Variants in SEMA3D observed in about 807,000 individuals in gnomAD.
SEMA3D encodes the protein semaphorin-3D.
A neutral mutation model predicts 100.1 loss-of-function variants in SEMA3D; 84 were observed. That is an observed-to-expected ratio of 0.84 (90% CI 0.70 to 1.01). The LOEUF (loss-of-function observed/expected upper bound fraction) is 1.01, where lower values mean the gene tolerates loss of function less well. Among genes scored for constraint, SEMA3D ranks in the 50% least tolerant of loss-of-function variants. SEMA3D has a pLI of 0.00. For missense variants in SEMA3D, 875 were observed against 934.1 expected (o/e 0.94, Z 0.82); for synonymous variants, 312 against 320.7 (o/e 0.97, Z 0.29).
chr7:85,236,536 G>C, the SEMA3D span, among the ~76,000 whole-genome samples: 2 of 151,440 alleles, frequency 1.3e-5, no homozygotes. Flanking sequence ...TTGATCTCTT[G>C]ATTTCATGAT....
chr7:85,119,809 C>A (rs1049574731), intron 3 of SEMA3D, among the ~76,000 whole-genome samples: 1 of 152,062 alleles, frequency 6.6e-6, no homozygotes, highest in African/African-American at 2.4e-5. Flanking sequence ...CTGAGTGCCC[C>A]AGGTTTGGTA....
At chr7:85,107,860 A>G (rs1234718722) in intron 3 of SEMA3D, among the ~76,000 whole-genome samples, 1 of 151,966 alleles carries the variant, frequency 6.6e-6, no homozygotes, top group Non-Finnish European at 1.5e-5. Context: ...ACTGCCCGCC[A>G]TATTACTACT....
intron 15 of SEMA3D, among the ~76,000 whole-genome samples, chr7:85,015,906 G>A (rs1290370930): frequency 1.3e-5 from 2 of 151,622 alleles, no homozygotes; most frequent in Non-Finnish European, 2.9e-5. Context: ...TGGAGGGGGA[G>A]GGGTGATACA....
chr7:85,052,570 C>T (rs900064775), intron 9 of SEMA3D, among the ~76,000 whole-genome samples: 6 of 151,956 alleles, frequency 3.9e-5, no homozygotes, highest in African/African-American at 1.4e-4. Context: ...TAGCGTAGTC[C>T]CACTTCCTCA....
the SEMA3D span, among the ~76,000 whole-genome samples, chr7:85,243,358 G>A: frequency 6.6e-6 from 1 of 152,134 alleles, no homozygotes; most frequent in Admixed American, 6.5e-5. Flanking sequence ...CTCCCCATGA[G>A]TGGAGTTTTT....
chr7:85,145,952 C>T (rs1159493997), intron 2 of SEMA3D, among the ~76,000 whole-genome samples: 1 of 152,130 alleles, frequency 6.6e-6, no homozygotes. Flanking sequence ...TAATTTCATT[C>T]CCTTGGATTC....
intron 3 of SEMA3D, among the ~76,000 whole-genome samples, chr7:85,108,765 T>C (rs192503274): frequency 8.4e-4 from 128 of 152,168 alleles, no homozygotes; most frequent in Non-Finnish European, 1.4e-3. Flanking sequence ...ACAGTATTTT[T>C]TTCTGTTACA....
chr7:85,050,668 T>C, intron 9 of SEMA3D: 3 of 450,258 alleles, frequency 6.7e-6, no homozygotes, highest in Non-Finnish European at 1.2e-5. Context: ...GTTCAAATCA[T>C]TTATGCAACT....
chr7:85,109,347 A>G (rs1789023561), intron 3 of SEMA3D, among the ~76,000 whole-genome samples: 1 of 152,006 alleles, frequency 6.6e-6, no homozygotes, highest in Admixed American at 6.6e-5. Context: ...TATATTTTAT[A>G]TTTTAATGTT....
intron 18 of SEMA3D, among the ~76,000 whole-genome samples, 170 bp from the exon 19 acceptor site, chr7:85,000,035 A>C (rs188767188): frequency 6.6e-6 from 1 of 152,288 alleles, no homozygotes; most frequent in East Asian, 1.9e-4. Context: ...GAGTAAAAAA[A>C]TTCAACAAAA....
chr7:85,161,819 A>G (rs990890793), intron 1 of SEMA3D, among the ~76,000 whole-genome samples: 2 of 152,158 alleles, frequency 1.3e-5, no homozygotes, highest in African/African-American at 4.8e-5. Flanking sequence ...TATGTCATCC[A>G]CTATCTTACA....
intron 1 of SEMA3D, among the ~76,000 whole-genome samples, chr7:85,161,429 A>G (rs553638732): frequency 2.0e-5 from 3 of 152,290 alleles, no homozygotes; most frequent in Non-Finnish European, 2.9e-5. Flanking sequence ...AATATTTTAT[A>G]ATGTTTTAAT....
rs1015289101 is a variant in SEMA3D, at chr7:85,022,104, C to A, written c.1414+287G>T. 2.0e-5 allele frequency among the ~76,000 whole-genome samples: 3 copies of A among 151,752 alleles called. No homozygotes were observed. In the South Asian group the frequency reaches 6.2e-4, roughly 31 times the overall value. On this transcript the variant is annotated intron_variant, in intron 13 of 18. Transcript: ENST00000284136. ...AAGTTTGAAAATAAACATTACTTTG[C>A]CCTACTTGTTTAATTGTAGTTCAAA...
At chr7:85,015,274 T>C in intron 15 of SEMA3D, 58 bp from the exon 16 acceptor site, 1 of 1,532,522 alleles carries the variant, frequency 6.5e-7, no homozygotes, top group Non-Finnish European at 9.0e-7. Context: ...TCTTAAGAAT[T>C]TCCTTTTCTT....
At chr7:85,078,655 G>A (rs1787958277) in intron 5 of SEMA3D, among the ~76,000 whole-genome samples, 1 of 152,090 alleles carries the variant, frequency 6.6e-6, no homozygotes, top group Non-Finnish European at 1.5e-5. Flanking sequence ...TTAAACTGGG[G>A]ACTATGTTCA....
At chr7:85,087,897 A>G (rs1788273111) in intron 4 of SEMA3D, among the ~76,000 whole-genome samples, 1 of 152,168 alleles carries the variant, frequency 6.6e-6, no homozygotes, top group Non-Finnish European at 1.5e-5. Context: ...AAGAGACCAT[A>G]TTATTGAAAT....
chr7:85,129,672 T>C (rs928326929), intron 2 of SEMA3D, among the ~76,000 whole-genome samples: 3 of 152,266 alleles, frequency 2.0e-5, no homozygotes, highest in African/African-American at 4.8e-5. Flanking sequence ...AATTTTAAGG[T>C]TGTAACTACT....
intron 9 of SEMA3D, among the ~76,000 whole-genome samples, chr7:85,054,361 G>T (rs1309981450): frequency 6.6e-6 from 1 of 151,946 alleles, no homozygotes; most frequent in Non-Finnish European, 1.5e-5. Context: ...GCTTTTCAGG[G>T]TCAGGATACT....
chr7:85,087,016 C>G (rs528672010), intron 4 of SEMA3D, among the ~76,000 whole-genome samples: 5 of 152,254 alleles, frequency 3.3e-5, no homozygotes, highest in Admixed American at 1.3e-4. Flanking sequence ...ATTCTTACTG[C>G]CTTTTGAATT....
Sources: gnomAD v4.1 joint callset for allele counts (sites outside exome capture counted in the v4.1 genomes callset) on GRCh38, gnomAD v4.1.1 for gene constraint, MANE v1.5 for transcripts, NCBI Gene and HGNC (gene_info 2026-07-23, HGNC 2026-07-21) for gene names.